Variants in PTPRO observed in about 807,000 individuals in gnomAD.
The protein encoded by PTPRO is receptor-type tyrosine-protein phosphatase O.
In PTPRO, 62 loss-of-function variants were observed where a neutral mutation model predicts 145.2. That is an observed-to-expected ratio of 0.43 (90% confidence interval 0.35 to 0.53). The LOEUF is 0.53. Ranked by LOEUF, PTPRO falls within the 20% of genes least tolerant of loss-of-function variation. The probability of loss-of-function intolerance (pLI) is 0.01; values close to 1 mark genes in which losing one functional copy is unlikely to be tolerated. For synonymous variants in PTPRO, 565 were observed against 514.7 expected, an observed-to-expected ratio of 1.10 and a Z score of -1.32; for missense variants, 1,345 against 1,482.7, an observed-to-expected ratio of 0.91 and a Z score of 1.53.
At chr12:15,540,103 C>T (rs759823304) in intron 12 of PTPRO, among the ~76,000 whole-genome samples, 2 of 152,092 alleles carry the variant, frequency 1.3e-5, no homozygotes, top group Non-Finnish European at 1.5e-5. Flanking sequence ...TTAACTCACC[C>T]TGAATAATTT....
chr12:15,383,856 A>G (rs1336158289), intron 1 of PTPRO, among the ~76,000 whole-genome samples: 2 of 152,204 alleles, frequency 1.3e-5, no homozygotes, highest in Non-Finnish European at 2.9e-5. Context: ...GAGATGCTCT[A>G]TAGAATGTAA....
At chr12:15,385,766 C>G (rs191795871) in intron 1 of PTPRO, among the ~76,000 whole-genome samples, 1 of 141,384 alleles carries the variant, frequency 7.1e-6, no homozygotes, top group Non-Finnish European at 1.5e-5. Flanking sequence ...GAGCAGAGAT[C>G]GCACTACTGC....
rs1313738298 is a variant in PTPRO, at chr12:15,596,274, C to T, written c.*201C>T. On this transcript the variant is annotated 3_prime_UTR_variant, in exon 27 of 27. Transcript: ENST00000281171. Reference sequence around the variant, plus strand: ...AGTGTCCTTTTGGACTCTTTCACTTCGGGACATTTAATAATGGACCAAATT... The same window carrying T: ...AGTGTCCTTTTGGACTCTTTCACTTTGGGACATTTAATAATGGACCAAATT... 1.3e-5 allele frequency: 2 copies of T among 152,560 alleles called. No individual in the cohort carries two copies. Among genetic ancestry groups the T allele is most frequent in the Non-Finnish European group, 2.9e-5 (2 of 68,030 alleles). 9.5% of individuals were successfully genotyped at this position (152,560 alleles called of 1,614,324 possible).
intron 1 of PTPRO, among the ~76,000 whole-genome samples, chr12:15,334,706 G>A (rs1393141285): frequency 6.6e-6 from 1 of 152,052 alleles, no homozygotes; most frequent in Non-Finnish European, 1.5e-5. Context: ...GCCAAAAATA[G>A]AAGGAAAATT....
At chr12:15,469,481 G>A (rs1193294358) in intron 1 of PTPRO, among the ~76,000 whole-genome samples, 2 of 152,106 alleles carry the variant, frequency 1.3e-5, no homozygotes, top group Admixed American at 6.5e-5. Flanking sequence ...CCTGGGTTGT[G>A]GGCCGACCCC....
In PTPRO at chr12:15,439,134, A is replaced by G. The variant is rs1050973293; in HGVS notation, c.76-44840A>G. On this transcript the variant is annotated intron_variant, in intron 1 of 26. Transcript: ENST00000281171. ...TGGGGGCCTATTTTCAGCATTCTTA[A>G]AGAAAAGAAATTCCAACCAAGAATT... 2.0e-5 allele frequency among the ~76,000 whole-genome samples: 3 copies of G among 152,200 alleles called. No individual in the cohort carries two copies. In the East Asian group the frequency reaches 5.8e-4, roughly 29 times the overall value.
At chr12:15,356,650 G>C (rs1481248732) in intron 1 of PTPRO, among the ~76,000 whole-genome samples, 1 of 151,926 alleles carries the variant, frequency 6.6e-6, no homozygotes. Context: ...ATGTTCATTG[G>C]GCTTTCCATC....
chr12:15,367,640 A>T (rs1435051393), intron 1 of PTPRO, among the ~76,000 whole-genome samples: 1 of 152,196 alleles, frequency 6.6e-6, no homozygotes, highest in Non-Finnish European at 1.5e-5. Flanking sequence ...CAGACCTGAA[A>T]CTGGGCTTCT....
chr12:15,546,553 CT>C lies in PTPRO; in HGVS notation c.2165-13del, dbSNP rs761334920. 25 of 1,574,068 alleles carry C rather than the reference CT, an allele frequency of 1.6e-5. No homozygotes were observed. The South Asian group carries it at 2.2e-4, about 14-fold the overall frequency. ...TTAGTAAATTAAATTTTTTTTAAAA[CT>C]TTGTCTTTGCTCAGAACCAGCTCCA... is the stretch of plus-strand genomic sequence containing the variant. On this transcript the variant is annotated splice_polypyrimidine_tract_variant and intron_variant, in intron 12 of 26. Transcript: ENST00000281171.
At chr12:15,472,908 C>A (rs1240964607) in intron 1 of PTPRO, among the ~76,000 whole-genome samples, 1 of 152,124 alleles carries the variant, frequency 6.6e-6, no homozygotes, top group African/African-American at 2.4e-5. Flanking sequence ...CAGAAAGGAA[C>A]AAGAGCTCCT....
At chr12:15,504,419 A>G (rs1942280589) in intron 6 of PTPRO, among the ~76,000 whole-genome samples, 1 of 152,186 alleles carries the variant, frequency 6.6e-6, no homozygotes, top group Non-Finnish European at 1.5e-5. Context: ...AAATGATATT[A>G]TAGGACTGTG....
chr12:15,460,610 C>T (rs1941279848), intron 1 of PTPRO, among the ~76,000 whole-genome samples: 1 of 152,062 alleles, frequency 6.6e-6, no homozygotes, highest in Non-Finnish European at 1.5e-5. Flanking sequence ...CTACAGCATG[C>T]CCACAGAGCC....
intron 1 of PTPRO, among the ~76,000 whole-genome samples, chr12:15,472,805 C>T (rs1271902579): frequency 1.3e-5 from 2 of 152,168 alleles, no homozygotes; most frequent in Admixed American, 6.5e-5. Context: ...TGACCAGGAC[C>T]TCAGACCAAA....
chr12:15,529,608 A>G (rs1942915947), intron 12 of PTPRO, among the ~76,000 whole-genome samples: 1 of 152,142 alleles, frequency 6.6e-6, no homozygotes, highest in Admixed American at 6.5e-5. Context: ...TGTGATTGTA[A>G]CACTGCACTC....
chr12:15,464,713 T>C (rs920705375), intron 1 of PTPRO, among the ~76,000 whole-genome samples: 2 of 152,036 alleles, frequency 1.3e-5, no homozygotes, highest in Non-Finnish European at 2.9e-5. Context: ...ATAGAGATAT[T>C]TTGTTTGTTG....
chr12:15,492,469 A>T (rs1407540488), intron 2 of PTPRO, among the ~76,000 whole-genome samples: 1 of 152,144 alleles, frequency 6.6e-6, no homozygotes, highest in Non-Finnish European at 1.5e-5. Flanking sequence ...CCTAATCAGG[A>T]GGCTGAGGCA....
chr12:15,552,676 T>A (rs1028577320), intron 15 of PTPRO, among the ~76,000 whole-genome samples: 3 of 151,978 alleles, frequency 2.0e-5, no homozygotes, highest in African/African-American at 7.2e-5. Context: ...TAATTCTGAA[T>A]GTGAAAATAA....
At chr12:15,593,542 T>G (rs1461578745) in intron 25 of PTPRO, among the ~76,000 whole-genome samples, 1 of 152,222 alleles carries the variant, frequency 6.6e-6, no homozygotes, top group Non-Finnish European at 1.5e-5. Flanking sequence ...CTATTTACAT[T>G]GTAGTTTCTC....
chr12:15,591,586 T>G (rs1354272400), intron 25 of PTPRO, among the ~76,000 whole-genome samples: 1 of 152,176 alleles, frequency 6.6e-6, no homozygotes. Context: ...TTACCCTAAA[T>G]TTTGGTTGTT....
Sources: gnomAD v4.1 joint callset for allele counts (sites outside exome capture counted in the v4.1 genomes callset) on GRCh38, gnomAD v4.1.1 for gene constraint, MANE v1.5 for transcripts, NCBI Gene and HGNC (gene_info 2026-07-23, HGNC 2026-07-21) for gene names.